Variants in SLIT3 observed in about 807,000 individuals in gnomAD.
The protein encoded by SLIT3 is slit guidance ligand 3, also known as slit homolog 3 protein.
Under a neutral mutation model 184.0 loss-of-function variants are expected in SLIT3, and 68 were observed. The observed-to-expected ratio is 0.37, with a 90% CI of 0.30 to 0.45. The LOEUF (loss-of-function observed/expected upper bound fraction) is 0.45. SLIT3 is among the 20% of genes least tolerant of loss of function. The pLI, the probability that SLIT3 is intolerant of heterozygous loss-of-function variation, is 1.00. For synonymous variants in SLIT3, 831 were observed against 828.6 expected, an observed-to-expected ratio of 1.00 and a Z score of -0.05; for missense variants, 1,707 against 2,026.0, an observed-to-expected ratio of 0.84 and a Z score of 3.02.
chr5:169,197,340 G>A (rs2113479163), intron 3 of SLIT3, among the ~76,000 whole-genome samples: 1 of 152,110 alleles, frequency 6.6e-6, no homozygotes, highest in South Asian at 2.1e-4. Flanking sequence ...TGTATTTCCA[G>A]GTAACTCCAG....
At chr5:168,959,504 G>C (rs1458120205) in intron 4 of SLIT3, among the ~76,000 whole-genome samples, 2 of 152,202 alleles carry the variant, frequency 1.3e-5, no homozygotes, top group African/African-American at 4.8e-5. Flanking sequence ...GCAGGATAAA[G>C]CATCTATAAG....
chr5:168,760,421 C>T (rs1162867687), intron 16 of SLIT3, among the ~76,000 whole-genome samples: 1 of 152,208 alleles, frequency 6.6e-6, no homozygotes, highest in African/African-American at 2.4e-5. Context: ...CATGTTCATT[C>T]TGATGTGTAT....
chr5:169,110,095 G>A (rs1003290581), intron 4 of SLIT3, among the ~76,000 whole-genome samples: 4 of 152,120 alleles, frequency 2.6e-5, no homozygotes, highest in African/African-American at 9.7e-5. Flanking sequence ...TGATCTGCCT[G>A]CCTCAGCCTC....
chr5:168,989,960 G>A (rs1422928984), intron 4 of SLIT3, among the ~76,000 whole-genome samples: 1 of 152,198 alleles, frequency 6.6e-6, no homozygotes, highest in Admixed American at 6.5e-5. Flanking sequence ...AGGTTAAGCT[G>A]AGTAAACAAG....
chr5:168,983,941 T>C (rs1393333291), intron 4 of SLIT3, among the ~76,000 whole-genome samples: 1 of 151,964 alleles, frequency 6.6e-6, no homozygotes, highest in Non-Finnish European at 1.5e-5. Context: ...TCCCATCACT[T>C]TGGGAGGCTG....
intron 12 of SLIT3, among the ~76,000 whole-genome samples, chr5:168,780,809 A>G (rs962095265): frequency 3.9e-5 from 6 of 152,240 alleles, no homozygotes; most frequent in African/African-American, 1.4e-4. Flanking sequence ...TTATGTTATC[A>G]TCCTTTCCCT....
chr5:168,757,277 AATATCTGTACTGTCTAGCGCAG>A (rs1395442662), intron 16 of SLIT3, among the ~76,000 whole-genome samples: 2 of 152,194 alleles, frequency 1.3e-5, no homozygotes, highest in Non-Finnish European at 2.9e-5. Context: ...TAAGTGCATT[AATATCTGTACTGTCTAGCGCAG>A]GGTAAAGTGT....
chr5:169,165,809 A>T (rs897175939), intron 4 of SLIT3, among the ~76,000 whole-genome samples: 1 of 152,214 alleles, frequency 6.6e-6, no homozygotes, highest in Non-Finnish European at 1.5e-5. Flanking sequence ...TACCTTGTCT[A>T]TCAAGTGCAC....
chr5:168,697,540 G>A lies in SLIT3; in HGVS notation c.2943-1109C>T, dbSNP rs112361532. Among the ~76,000 whole-genome samples the A allele has an allele frequency of 6.7e-3, 1,013 of 152,252 alleles. 13 individuals are homozygous for A. Among genetic ancestry groups the A allele is most frequent in the Non-Finnish European group, 5.1e-3 (348 of 68,020 alleles). On this transcript the variant is annotated intron_variant, in intron 27 of 35. Coordinates refer to ENST00000519560, the MANE Select transcript of SLIT3 (RefSeq NM_003062.4). The stretch of plus-strand genomic sequence containing the variant: ...ATTCTCACTCCATCTATGAGTGTGC[G>A]CTTCAGCTTCAGATCTGGAATTTCA...
intron 32 of SLIT3, among the ~76,000 whole-genome samples, chr5:168,682,738 G>C (rs1265667572): frequency 2.0e-5 from 3 of 152,094 alleles, no homozygotes; most frequent in Non-Finnish European, 4.4e-5. Context: ...TTAGTTAGCA[G>C]GGGGAAGAAA....
chr5:168,704,019 C>T (rs1375161020), intron 26 of SLIT3, among the ~76,000 whole-genome samples: 1 of 148,996 alleles, frequency 6.7e-6, no homozygotes, highest in African/African-American at 2.5e-5. Context: ...TGAGATCGCA[C>T]GAGGAATGCT....
Position 169,074,481 on chromosome 5 carries a change from C to T in SLIT3, c.413+118998G>A, listed in dbSNP as rs374470077. ...AGTGTTTCTACCTTCTATGCACTGT[C>T]CCAAAAGTTTTTCAATTAATAACTC... On this transcript the variant is annotated intron_variant, in intron 4 of 35. Coordinates refer to ENST00000519560, the MANE Select transcript of SLIT3 (RefSeq NM_003062.4). Among the ~76,000 whole-genome samples the T allele has an allele frequency of 3.5e-4, 53 of 152,198 alleles. 1 individual carries two copies. Among genetic ancestry groups the T allele is most frequent in the East Asian group, 3.1e-3 (16 of 5,180 alleles).
rs116160728 is a variant in SLIT3, at chr5:168,871,545, G to C, written c.485+11720C>G. Among the ~76,000 whole-genome samples, 1,044 of 152,224 alleles carry C rather than the reference G, an allele frequency of 6.9e-3. 9 individuals carry two copies. The highest frequency in any genetic ancestry group is 0.024 in the African/African-American group (1,001 of 41,536). ...GCCCATTAGAAGCCATATGCCGGAA[G>C]AGGTCAGCCCCACTCAAAGAAATAA... On this transcript the variant is annotated intron_variant, in intron 5 of 35. Coordinates refer to ENST00000519560, the MANE Select transcript of SLIT3 (RefSeq NM_003062.4).
rs796541352 is a variant in SLIT3 at position 169,015,971 on chromosome 5, CACACACACACACACAA to C, written c.414-132651_414-132636del. On this transcript the variant is annotated intron_variant, in intron 4 of 35. Transcript: ENST00000519560. ...ACACACACACACACACACACACACA[CACACACACACACACAA>C]CTTTCTGTCTGCCCCCTTGCTCTTC... 1.4e-3 allele frequency among the ~76,000 whole-genome samples: 181 copies of C among 125,806 alleles called. 1 individual carries two copies. Among genetic ancestry groups the C allele is most frequent in the Non-Finnish European group, 1.7e-3 (104 of 59,444 alleles). The allele number at this position is 125,806 out of a possible 152,430, so 82.5% of individuals were successfully genotyped here.
Position 169,094,687 on chromosome 5 carries a change from C to T in SLIT3, c.413+98792G>A, listed in dbSNP as rs563133326. On this transcript the variant is annotated intron_variant, in intron 4 of 35. Transcript: ENST00000519560. ...TGCCCCCTCCAAATGTACTACAGAT[C>T]CCCTGTGGGCAGAATAGAGTGCTGA... Among the ~76,000 whole-genome samples, 3 of 152,298 alleles carry T rather than the reference C, an allele frequency of 2.0e-5. No homozygotes were observed. In the South Asian group the frequency reaches 6.2e-4, roughly 32 times the overall value.
At chr5:168,710,811 T>G in intron 25 of SLIT3, 84 bp downstream of exon 25, 187 of 1,216,850 alleles carry the variant, frequency 1.5e-4, no homozygotes, top group Non-Finnish European at 1.8e-4. Context: ...CCACATCTGT[T>G]GAGATACCCT....
In SLIT3 at chr5:169,139,528, C is replaced by T. The variant is rs985418538; in HGVS notation, c.413+53951G>A. On this transcript the variant is annotated intron_variant, in intron 4 of 35. Coordinates refer to ENST00000519560, the MANE Select transcript of SLIT3 (RefSeq NM_003062.4). The stretch of plus-strand genomic sequence containing the variant: ...CAGCAACAGCAGGATTCATCCCAGG[C>T]CATCTGATCCCAGCCCCACACTCAG... Among the ~76,000 whole-genome samples, 4 of 152,292 alleles carry T rather than the reference C, an allele frequency of 2.6e-5. No individual in the cohort carries two copies. The East Asian group carries it at 7.7e-4, about 29-fold the overall frequency.
intron 4 of SLIT3, among the ~76,000 whole-genome samples, chr5:169,155,130 G>C (rs881015): frequency 1.3e-5 from 2 of 152,138 alleles, no homozygotes; most frequent in African/African-American, 4.8e-5. Flanking sequence ...GTAACCTAGC[G>C]TCAGCAGCTA....
At chr5:169,082,339 C>T (rs1759101427) in intron 4 of SLIT3, among the ~76,000 whole-genome samples, 1 of 152,204 alleles carries the variant, frequency 6.6e-6, no homozygotes, top group Admixed American at 6.5e-5. Flanking sequence ...TACAGAGTTT[C>T]CTGTTTAAGT....
Sources: gnomAD v4.1 joint callset for allele counts (sites outside exome capture counted in the v4.1 genomes callset) on GRCh38, gnomAD v4.1.1 for gene constraint, MANE v1.5 for transcripts, NCBI Gene and HGNC (gene_info 2026-07-23, HGNC 2026-07-21) for gene names.